COMMD1: variants seen among roughly 807,000 people sequenced by gnomAD.
COMMD1 encodes copper metabolism domain containing 1.
Under a neutral mutation model 17.2 loss-of-function variants are expected in COMMD1, and 10 were observed. The ratio of observed to expected loss-of-function variants is 0.58; its 90% confidence interval spans 0.36 to 0.99. COMMD1 has a LOEUF of 0.99. Ranked by LOEUF, COMMD1 falls within the 50% of genes least tolerant of loss-of-function variation. COMMD1 has a pLI of 0.01. For synonymous variants in COMMD1, 97 were observed against 91.6 expected (o/e 1.06, Z -0.34); for missense variants, 270 against 231.8 (o/e 1.17, Z -1.07).
intron 2 of COMMD1, among the ~76,000 whole-genome samples, chr2:62,036,712 G>C (rs762768556): frequency 2.0e-5 from 3 of 152,142 alleles, no homozygotes; most frequent in Admixed American, 6.5e-5. Context: ...GACATAGCCT[G>C]TCATTGGTGG....
chr2:61,994,089 C>T (rs1475624763), intron 1 of COMMD1, among the ~76,000 whole-genome samples: 7 of 152,208 alleles, frequency 4.6e-5, no homozygotes, highest in African/African-American at 1.4e-4. Flanking sequence ...CGGGTTCAAG[C>T]GATTCTCCTG....
chr2:61,940,967 C>T (rs937654956), intron 1 of COMMD1, among the ~76,000 whole-genome samples: 9 of 151,838 alleles, frequency 5.9e-5, no homozygotes, highest in East Asian at 3.9e-4. Flanking sequence ...AGATTACAGG[C>T]GTGAGCCACT....
At chr2:62,030,492 C>A (rs181080087) in intron 2 of COMMD1, among the ~76,000 whole-genome samples, 1 of 152,264 alleles carries the variant, frequency 6.6e-6, no homozygotes, top group Non-Finnish European at 1.5e-5. Context: ...AACAGCACCC[C>A]CTCCACCAAT....
chr2:61,890,797 A>G (rs1382029223), intron 1 of COMMD1, among the ~76,000 whole-genome samples: 1 of 143,634 alleles, frequency 7.0e-6, no homozygotes, highest in African/African-American at 2.6e-5. Flanking sequence ...ACTGCACTCC[A>G]GCCTGGGTGA....
At chr2:61,927,240 A>C (rs1670350458) in intron 1 of COMMD1, among the ~76,000 whole-genome samples, 1 of 152,210 alleles carries the variant, frequency 6.6e-6, no homozygotes, top group African/African-American at 2.4e-5. Flanking sequence ...GATTGAAGCA[A>C]AGGAAACCTC....
At chr2:62,091,556 T>C (rs566299986) in intron 2 of COMMD1, among the ~76,000 whole-genome samples, 2 of 152,334 alleles carry the variant, frequency 1.3e-5, no homozygotes, top group Admixed American at 6.5e-5. Context: ...AGTATGCCCA[T>C]GTCTGGGTAT....
intron 2 of COMMD1, among the ~76,000 whole-genome samples, chr2:62,017,591 G>A (rs1669487695): frequency 6.6e-6 from 1 of 151,888 alleles, no homozygotes; most frequent in Non-Finnish European, 1.5e-5. Context: ...GATTGCCTGG[G>A]CCCAGGAGTT....
At chr2:61,936,713 A>G (rs1210914635) in intron 1 of COMMD1, among the ~76,000 whole-genome samples, 1 of 152,186 alleles carries the variant, frequency 6.6e-6, no homozygotes. Context: ...GGTTATAGAC[A>G]TGAGCCACCA....
chr2:62,081,347 G>A (rs1671513782), intron 2 of COMMD1, among the ~76,000 whole-genome samples: 1 of 151,750 alleles, frequency 6.6e-6, no homozygotes, highest in Non-Finnish European at 1.5e-5. Context: ...CGCCTCCCGG[G>A]TTCAAGCAAT....
At chr2:61,985,262 G>A (rs375768177) in intron 1 of COMMD1, among the ~76,000 whole-genome samples, 7 of 152,130 alleles carry the variant, frequency 4.6e-5, no homozygotes, top group Admixed American at 6.5e-5. Flanking sequence ...GTGTTAGCCA[G>A]GATGGTCTCG....
At chr2:62,093,105 C>T (rs545750358) in intron 2 of COMMD1, among the ~76,000 whole-genome samples, 20 of 152,282 alleles carry the variant, frequency 1.3e-4, no homozygotes, top group Admixed American at 1.3e-4. Context: ...TGGAATGATT[C>T]TAACAAAATT....
At chr2:62,013,258 AG>A (rs1669337043) in intron 2 of COMMD1, among the ~76,000 whole-genome samples, 2 of 145,724 alleles carry the variant, frequency 1.4e-5, no homozygotes, top group Admixed American at 6.6e-5. Flanking sequence ...TGGGATTTCA[AG>A]GAAAAAAAAA....
At chr2:62,055,632 G>A (rs1670674613) in intron 2 of COMMD1, among the ~76,000 whole-genome samples, 2 of 152,178 alleles carry the variant, frequency 1.3e-5, no homozygotes, top group Admixed American at 1.3e-4. Context: ...AATTATTGAA[G>A]GCCACCACTT....
At chr2:62,126,856 A>G (rs1480647797) in intron 2 of COMMD1, among the ~76,000 whole-genome samples, 3 of 152,182 alleles carry the variant, frequency 2.0e-5, no homozygotes, top group Non-Finnish European at 4.4e-5. Context: ...CCTATTCAAC[A>G]TAGTATTGAA....
chr2:61,913,816 A>AAAG (rs756118056), intron 1 of COMMD1, among the ~76,000 whole-genome samples: 39,360 of 100,024 alleles, frequency 0.39, 11,047 homozygotes, highest in African/African-American at 0.6. Flanking sequence ...AAAAAAAAAA[A>AAAG]AGAAAAGTGT....
chr2:61,947,815 G>C (rs994127863), intron 1 of COMMD1, among the ~76,000 whole-genome samples: 1 of 150,870 alleles, frequency 6.6e-6, no homozygotes, highest in African/African-American at 2.4e-5. Flanking sequence ...GCCTCCTGAG[G>C]TAGCTGGGCT....
intron 1 of COMMD1, among the ~76,000 whole-genome samples, chr2:61,995,229 C>T (rs1412560494): frequency 4.6e-5 from 7 of 152,142 alleles, no homozygotes; most frequent in Admixed American, 3.9e-4. Context: ...GGACTGCAGG[C>T]GTGTGACACC....
At chr2:61,954,310 G>C (rs1173986736) in intron 1 of COMMD1, among the ~76,000 whole-genome samples, 1 of 152,162 alleles carries the variant, frequency 6.6e-6, no homozygotes, top group African/African-American at 2.4e-5. Context: ...GCTTATATAG[G>C]CAGAAAAGAA....
intron 1 of COMMD1, among the ~76,000 whole-genome samples, chr2:61,910,752 C>T (rs1669883372): frequency 6.6e-6 from 1 of 152,128 alleles, no homozygotes; most frequent in East Asian, 1.9e-4. Flanking sequence ...CTACTGCCCT[C>T]TGGTGATGAT....
Sources: allele counts gnomAD v4.1 joint callset (sites outside exome capture counted in the v4.1 genomes callset), GRCh38; gene constraint gnomAD v4.1.1; transcripts MANE v1.5; gene names NCBI Gene and HGNC (gene_info 2026-07-23, HGNC 2026-07-21).